CLPB: variants seen among roughly 807,000 people sequenced by gnomAD.
The protein encoded by CLPB is ClpB family mitochondrial disaggregase, also known as mitochondrial disaggregase.
A neutral mutation model predicts 78.4 loss-of-function variants in CLPB; 40 were observed. The observed-to-expected ratio is 0.51, with a 90% CI of 0.40 to 0.66. CLPB has a LOEUF of 0.66. Among genes scored for constraint, CLPB ranks in the 30% least tolerant of loss-of-function variants. The pLI, the probability that CLPB is intolerant of heterozygous loss-of-function variation, is 0.00. For synonymous variants in CLPB, 333 were observed against 348.0 expected, an observed-to-expected ratio of 0.96 and a Z score of 0.48; for missense variants, 780 against 886.9, an observed-to-expected ratio of 0.88 and a Z score of 1.53.
chr11:72,380,914 G>C (rs1854891648), intron 3 of CLPB, among the ~76,000 whole-genome samples: 1 of 152,220 alleles, frequency 6.6e-6, no homozygotes, highest in South Asian at 2.1e-4. Context: ...AGCTCAAAGT[G>C]TGATAAAGGT....
At chr11:72,387,686 A>C (rs924712488) in intron 3 of CLPB, among the ~76,000 whole-genome samples, 3 of 151,862 alleles carry the variant, frequency 2.0e-5, no homozygotes, top group Admixed American at 1.3e-4. Flanking sequence ...CACAAATCTA[A>C]GCTCTTTACC....
At chr11:72,336,921 G>T in intron 5 of CLPB, 1 of 394,818 alleles carries the variant, frequency 2.5e-6, no homozygotes, top group Non-Finnish European at 4.5e-6. Flanking sequence ...CCCAGATCCT[G>T]CCCATTCTTC....
At chr11:72,364,048 G>T (rs1263135187) in intron 4 of CLPB, among the ~76,000 whole-genome samples, 1 of 152,182 alleles carries the variant, frequency 6.6e-6, no homozygotes. Flanking sequence ...GTGTATGTGA[G>T]GGAGTTGTCT....
At chr11:72,408,301 T>C (rs1326378256) in intron 2 of CLPB, 3 of 875,696 alleles carry the variant, frequency 3.4e-6, no homozygotes, top group African/African-American at 3.3e-5. Context: ...TGGAAGATAT[T>C]AATCCCTCTT....
intron 11 of CLPB, 91 bp from the exon 12 acceptor site, chr11:72,295,739 T>C (rs1425441070): frequency 1.3e-5 from 17 of 1,274,158 alleles, no homozygotes; most frequent in Non-Finnish European, 1.8e-5. Context: ...TCAGGAGGCC[T>C]CCCCAGAGCC....
At position 72,293,151 on chromosome 11, in the gene CLPB, A is replaced by C; in HGVS notation, c.*216T>G. On this transcript the variant is annotated 3_prime_UTR_variant, in exon 16 of 16. Transcript: ENST00000538039. ...GCTCCTCTCCTGAAGGCTTGTTAGC[A>C]GGTTATGGGCCCACAACAAAGGGGC... is the stretch of plus-strand genomic sequence containing the variant. 1.8e-6 allele frequency: 1 copy of C among 546,172 alleles called. No individual in the cohort carries two copies. Among genetic ancestry groups the C allele is most frequent in the South Asian group, 2.6e-5 (1 of 38,330 alleles). 33.8% of individuals were successfully genotyped at this position (546,172 alleles called of 1,614,324 possible).
At chr11:72,406,240 C>A (rs1855706198) in intron 2 of CLPB, among the ~76,000 whole-genome samples, 1 of 152,082 alleles carries the variant, frequency 6.6e-6, no homozygotes, top group Non-Finnish European at 1.5e-5. Flanking sequence ...CTCAGAGTGA[C>A]CAAAATCCCT....
intron 5 of CLPB, among the ~76,000 whole-genome samples, chr11:72,340,781 T>C (rs1276819873): frequency 6.6e-6 from 1 of 152,240 alleles, no homozygotes; most frequent in Non-Finnish European, 1.5e-5. Flanking sequence ...CCTTGGTTGT[T>C]ACTGAACTGC....
At chr11:72,433,926 T>C in intron 1 of CLPB, 146 bp downstream of exon 1, 2 of 985,950 alleles carry the variant, frequency 2.0e-6, no homozygotes, top group Non-Finnish European at 3.0e-6. Context: ...GGCAACACCC[T>C]GCCCCTGTAA....
chr11:72,429,831 G>A (rs528939683), intron 2 of CLPB, among the ~76,000 whole-genome samples: 7 of 152,314 alleles, frequency 4.6e-5, no homozygotes, highest in African/African-American at 7.2e-5. Flanking sequence ...GTCTGTCCCC[G>A]GGCAAAGCCA....
intron 5 of CLPB, among the ~76,000 whole-genome samples, chr11:72,340,067 T>C (rs1314197683): frequency 1.3e-5 from 2 of 152,182 alleles, no homozygotes; most frequent in East Asian, 1.9e-4. Context: ...GGTGAAATGA[T>C]TTAGCCAGCA....
At chr11:72,424,538 C>T (rs1236176580) in intron 2 of CLPB, among the ~76,000 whole-genome samples, 1 of 151,976 alleles carries the variant, frequency 6.6e-6, no homozygotes, top group Non-Finnish European at 1.5e-5. Flanking sequence ...GGGCAGATCA[C>T]TTGAGGTCAG....
At chr11:72,363,726 G>A (rs549861555) in intron 4 of CLPB, among the ~76,000 whole-genome samples, 22 of 152,156 alleles carry the variant, frequency 1.4e-4, no homozygotes, top group Admixed American at 9.8e-4. Flanking sequence ...AATGCTGGTC[G>A]GTGGTAGGCT....
rs187048088 is a variant in CLPB, at chr11:72,432,718, A to G, written c.403+1354T>C. On this transcript the variant is annotated intron_variant, in intron 1 of 15. Transcript: ENST00000538039. ...CCTCATTTTGTAGATGAGGAAACAG[A>G]GGACCCGTGAGGAGAAGCAAAAGTC... Among the ~76,000 whole-genome samples the G allele has an allele frequency of 5.0e-4, 76 of 152,348 alleles. No homozygotes were observed. The Middle Eastern group carries it at 0.01, about 20-fold the overall frequency.
At chr11:72,382,374 C>T (rs1005600908) in intron 3 of CLPB, among the ~76,000 whole-genome samples, 7 of 152,192 alleles carry the variant, frequency 4.6e-5, no homozygotes, top group South Asian at 2.1e-4. Flanking sequence ...GCTCCAGGCC[C>T]GTCCACCTGG....
At chr11:72,431,840 G>A (rs1355004662) in intron 1 of CLPB, among the ~76,000 whole-genome samples, 1 of 152,208 alleles carries the variant, frequency 6.6e-6, no homozygotes, top group Non-Finnish European at 1.5e-5. Flanking sequence ...TCAGGGGACA[G>A]GGTAGCTGGC....
At chr11:72,340,957 T>A (rs1453488263) in intron 5 of CLPB, among the ~76,000 whole-genome samples, 1 of 152,160 alleles carries the variant, frequency 6.6e-6, no homozygotes, top group Admixed American at 6.5e-5. Context: ...TTCACGCCAT[T>A]CTCCTGCCTC....
intron 1 of CLPB, among the ~76,000 whole-genome samples, chr11:72,433,159 C>T (rs1286875662): frequency 1.3e-5 from 2 of 152,272 alleles, no homozygotes; most frequent in East Asian, 1.9e-4. Context: ...GCATGTGAGA[C>T]CAGACACAGC....
chr11:72,295,197 TC>T (rs1424722137), intron 12 of CLPB, among the ~76,000 whole-genome samples: 1 of 152,184 alleles, frequency 6.6e-6, no homozygotes, highest in African/African-American at 2.4e-5. Flanking sequence ...ATCTCCTCAG[TC>T]CCCTAAGACA....
Sources: allele counts gnomAD v4.1 joint callset (sites outside exome capture counted in the v4.1 genomes callset), GRCh38; gene constraint gnomAD v4.1.1; transcripts MANE v1.5; gene names NCBI Gene and HGNC (gene_info 2026-07-23, HGNC 2026-07-21).